DIAPH1: variants seen among roughly 807,000 people sequenced by gnomAD.
The protein encoded by DIAPH1 is protein diaphanous homolog 1.
Under a neutral mutation model 140.7 loss-of-function variants are expected in DIAPH1, and 46 were observed. That is an observed-to-expected ratio of 0.33 (90% CI 0.26 to 0.42). DIAPH1 has a LOEUF of 0.42. Among genes scored for constraint, DIAPH1 ranks in the 10% least tolerant of loss-of-function variants. DIAPH1 has a pLI of 1.00. For missense variants in DIAPH1, 1,310 were observed against 1,558.7 expected (o/e 0.84, Z 2.69); for synonymous variants, 565 against 551.6 (o/e 1.02, Z -0.34).
intron 27 of DIAPH1, among the ~76,000 whole-genome samples, chr5:141,519,439 A>G (rs2099886190): frequency 6.6e-6 from 1 of 152,206 alleles, no homozygotes; most frequent in African/African-American, 2.4e-5. Context: ...ATCTGACTCC[A>G]GACCTTGGGA....
At chr5:141,605,026 T>C (rs767113691) in intron 1 of DIAPH1, among the ~76,000 whole-genome samples, 1 of 152,192 alleles carries the variant, frequency 6.6e-6, no homozygotes, top group Non-Finnish European at 1.5e-5. Context: ...CAGAATTTCA[T>C]GCCAAAGTAC....
At chr5:141,531,217 A>G (rs2099888170) in intron 19 of DIAPH1, among the ~76,000 whole-genome samples, 1 of 152,160 alleles carries the variant, frequency 6.6e-6, no homozygotes. Context: ...AGTAAATGGT[A>G]CCACTTTCCG....
At chr5:141,615,576 C>T (rs772246911) in intron 1 of DIAPH1, among the ~76,000 whole-genome samples, 20 of 151,846 alleles carry the variant, frequency 1.3e-4, no homozygotes, top group Non-Finnish European at 2.6e-4. Context: ...CCCGTCTCTA[C>T]TAAAAATACA....
intron 18 of DIAPH1, among the ~76,000 whole-genome samples, chr5:141,538,519 G>C (rs775254853): frequency 6.6e-6 from 1 of 151,962 alleles, no homozygotes; most frequent in African/African-American, 2.4e-5. Flanking sequence ...TGCAACCTCC[G>C]CCTCCTGGGT....
chr5:141,598,048 G>C (rs2099899588), intron 1 of DIAPH1, among the ~76,000 whole-genome samples: 1 of 152,134 alleles, frequency 6.6e-6, no homozygotes, highest in Non-Finnish European at 1.5e-5. Context: ...TTATGTCCTG[G>C]CCAAGTGATG....
intron 1 of DIAPH1, among the ~76,000 whole-genome samples, chr5:141,595,192 GAATA>G (rs2154596933): frequency 6.6e-6 from 1 of 152,264 alleles, no homozygotes; most frequent in Admixed American, 6.5e-5. Flanking sequence ...GGCAGGTTAT[GAATA>G]AATAGAGCAC....
At chr5:141,583,736 TTAC>T in intron 4 of DIAPH1, 121 bp from the exon 5 acceptor site, 1 of 1,374,672 alleles carries the variant, frequency 7.3e-7, no homozygotes, top group Non-Finnish European at 1.0e-6. Context: ...AGACAAGGTC[TTAC>T]TACGTTGCCC....
At chr5:141,578,020 A>G in intron 11 of DIAPH1, 1 of 635,700 alleles carries the variant, frequency 1.6e-6, no homozygotes, top group Non-Finnish European at 2.9e-6. Context: ...AACAACCCTC[A>G]GATCACCTTT....
At chr5:141,614,983 C>A (rs2099902449) in intron 1 of DIAPH1, among the ~76,000 whole-genome samples, 1 of 152,166 alleles carries the variant, frequency 6.6e-6, no homozygotes, top group African/African-American at 2.4e-5. Flanking sequence ...TTCTTTCTGC[C>A]TGGCATCCTT....
At chr5:141,588,328 G>C (rs2099897857) in intron 1 of DIAPH1, 78 bp from the exon 2 acceptor site, 4 of 1,090,026 alleles carry the variant, frequency 3.7e-6, no homozygotes, top group Non-Finnish European at 4.2e-6. Context: ...ACACCAGACG[G>C]GTTGGGGAAA....
At chr5:141,587,303 T>C (rs748592730) in intron 2 of DIAPH1, 106 bp from the exon 3 acceptor site, 572 of 1,190,124 alleles carry the variant, frequency 4.8e-4, no homozygotes, top group Non-Finnish European at 6.2e-4. Context: ...ATGGTTCCTC[T>C]GGTTCACAAG....
intron 1 of DIAPH1, among the ~76,000 whole-genome samples, chr5:141,601,465 T>C (rs2099900126): frequency 6.6e-6 from 1 of 152,080 alleles, no homozygotes; most frequent in African/African-American, 2.4e-5. Context: ...CTTTTCTATT[T>C]TTTTAGTAGA....
intron 8 of DIAPH1, among the ~76,000 whole-genome samples, chr5:141,580,236 A>G (rs1453940357): frequency 6.6e-6 from 1 of 152,202 alleles, no homozygotes; most frequent in African/African-American, 2.4e-5. Context: ...CTCAGCTCTT[A>G]AGATACTATC....
intron 18 of DIAPH1, among the ~76,000 whole-genome samples, chr5:141,537,746 A>G (rs1446312138): frequency 3.3e-5 from 5 of 152,174 alleles, no homozygotes; most frequent in Non-Finnish European, 7.3e-5. Context: ...GCTACACTTC[A>G]CTCAACCTGG....
intron 18 of DIAPH1, among the ~76,000 whole-genome samples, chr5:141,556,936 C>G (rs1353591162): frequency 6.6e-6 from 1 of 152,208 alleles, no homozygotes; most frequent in Non-Finnish European, 1.5e-5. Context: ...CTCACGTGAT[C>G]CGCCCGCCTC....
chr5:141,600,904 C>A (rs766124061), intron 1 of DIAPH1, among the ~76,000 whole-genome samples: 9 of 152,204 alleles, frequency 5.9e-5, no homozygotes, highest in Non-Finnish European at 1.3e-4. Flanking sequence ...ACTAGAACTG[C>A]CTTTTTTTTC....
At chr5:141,523,339 T>A (rs926377156) in intron 27 of DIAPH1, among the ~76,000 whole-genome samples, 1 of 152,228 alleles carries the variant, frequency 6.6e-6, no homozygotes, top group Non-Finnish European at 1.5e-5. Flanking sequence ...GACACGATAG[T>A]GCAGGTCAAC....
chr5:141,545,250 C>T (rs2099890607), intron 18 of DIAPH1, among the ~76,000 whole-genome samples: 1 of 152,126 alleles, frequency 6.6e-6, no homozygotes, highest in South Asian at 2.1e-4. Context: ...ATACTGTACA[C>T]ATAAAAAGGG....
intron 18 of DIAPH1, among the ~76,000 whole-genome samples, chr5:141,542,901 T>C (rs2099890223): frequency 6.6e-6 from 1 of 152,232 alleles, no homozygotes; most frequent in South Asian, 2.1e-4. Context: ...TAAAAACTAA[T>C]TCAATTGGTG....
Sources: gnomAD v4.1 joint callset for allele counts (sites outside exome capture counted in the v4.1 genomes callset) on GRCh38, gnomAD v4.1.1 for gene constraint, MANE v1.5 for transcripts, NCBI Gene and HGNC (gene_info 2026-07-23, HGNC 2026-07-21) for gene names.